Variants in RAP1GDS1 observed in about 807,000 individuals in gnomAD.
The protein encoded by RAP1GDS1 is Rap1 GTPase-GDP dissociation stimulator 1, also known as RAP1, GTP-GDP dissociation stimulator 1.
Under a neutral mutation model 71.1 loss-of-function variants are expected in RAP1GDS1, and 35 were observed. The ratio of observed to expected loss-of-function variants is 0.49; its 90% CI spans 0.38 to 0.65. The LOEUF (loss-of-function observed/expected upper bound fraction) is 0.65. RAP1GDS1 is among the 30% of genes least tolerant of loss of function. The pLI is 0.00. For missense variants in RAP1GDS1, 663 were observed against 706.1 expected (o/e 0.94, Z 0.69); for synonymous variants, 229 against 243.1 (o/e 0.94, Z 0.54).
intron 7 of RAP1GDS1, 26 bp downstream of exon 7, chr4:98,404,628 A>G (rs766615985): frequency 3.8e-6 from 6 of 1,591,940 alleles, no homozygotes; most frequent in Non-Finnish European, 4.3e-6. Context: ...GCACCTTTGG[A>G]TTTTTGATCA....
intron 3 of RAP1GDS1, among the ~76,000 whole-genome samples, chr4:98,350,424 A>G (rs1412846951): frequency 6.6e-6 from 1 of 152,194 alleles, no homozygotes; most frequent in Admixed American, 6.5e-5. Context: ...TTTGAAATCT[A>G]GTCCAGGCCT....
rs568259022 is a variant in RAP1GDS1 at position 98,389,721 on chromosome 4, T to C, written c.509-2231T>C. ...ATTGTATTAAGCGCTATAACATTTC[T>C]TTACTTTTCACCCCTCTTTTACCTG... On this transcript the variant is annotated intron_variant, in intron 5 of 14. Coordinates refer to ENST00000408927, the MANE Select transcript of RAP1GDS1 (RefSeq NM_001100427.2). Among the ~76,000 whole-genome samples the C allele has an allele frequency of 1.8e-4, 27 of 152,326 alleles. No individual in the cohort carries two copies. The South Asian group carries it at 5.2e-3, about 29-fold the overall frequency.
chr4:98,289,815 T>C (rs1560779946), intron 1 of RAP1GDS1, among the ~76,000 whole-genome samples: 1 of 152,148 alleles, frequency 6.6e-6, no homozygotes, highest in Non-Finnish European at 1.5e-5. Context: ...ATTGACTTAA[T>C]GCCATTCATT....
intron 2 of RAP1GDS1, among the ~76,000 whole-genome samples, chr4:98,309,776 C>T (rs1335866447): frequency 6.6e-6 from 1 of 151,734 alleles, no homozygotes; most frequent in Non-Finnish European, 1.5e-5. Flanking sequence ...TTGTGTGGTT[C>T]ATGGTCATTT....
intron 14 of RAP1GDS1, among the ~76,000 whole-genome samples, chr4:98,437,604 C>T (rs1279680462): frequency 4.0e-5 from 6 of 151,830 alleles, no homozygotes; most frequent in African/African-American, 1.5e-4. Flanking sequence ...ACCAGCCTGG[C>T]GAACATGGTG....
chr4:98,369,961 C>G (rs891804725), intron 4 of RAP1GDS1, among the ~76,000 whole-genome samples: 1 of 152,196 alleles, frequency 6.6e-6, no homozygotes, highest in Admixed American at 6.5e-5. Context: ...GCTTGAAAGA[C>G]GTTCTGGAAA....
At chr4:98,345,998 T>G (rs541889644) in intron 3 of RAP1GDS1, among the ~76,000 whole-genome samples, 104 of 152,284 alleles carry the variant, frequency 6.8e-4, no homozygotes, top group Admixed American at 2.0e-3. Flanking sequence ...CTTTGACCTG[T>G]AGCAGCAACA....
At chr4:98,388,235 G>A (rs1743058576) in intron 5 of RAP1GDS1, among the ~76,000 whole-genome samples, 2 of 152,156 alleles carry the variant, frequency 1.3e-5, no homozygotes, top group Admixed American at 6.5e-5. Context: ...CTTAAGTAGA[G>A]TTTCTTCTCA....
chr4:98,401,444 G>T (rs181544393), intron 6 of RAP1GDS1, among the ~76,000 whole-genome samples: 519 of 152,222 alleles, frequency 3.4e-3, no homozygotes, highest in African/African-American at 0.012. Flanking sequence ...GTAGAAATTT[G>T]ATCAGAAATG....
At chr4:98,263,600 A>T (rs1722324142) in intron 1 of RAP1GDS1, among the ~76,000 whole-genome samples, 1 of 152,224 alleles carries the variant, frequency 6.6e-6, no homozygotes, top group Admixed American at 6.5e-5. Context: ...AAAGTTGTTT[A>T]TGTGTGTGCT....
rs538473815 is a variant in RAP1GDS1 at position 98,304,160 on chromosome 4, C to T, written c.112+10645C>T. On this transcript the variant is annotated intron_variant, in intron 2 of 14. Coordinates refer to ENST00000408927, the MANE Select transcript of RAP1GDS1 (RefSeq NM_001100427.2). ...TGAACAGTGCTGCAGTGAATGTACACGTGCATGTATCTTTATAATAGAATG... is the reference window on the plus strand; with the variant it reads ...TGAACAGTGCTGCAGTGAATGTACATGTGCATGTATCTTTATAATAGAATG... Among the ~76,000 whole-genome samples, 55 of 152,196 alleles carry T rather than the reference C, an allele frequency of 3.6e-4. 1 individual carries two copies. Among genetic ancestry groups the T allele is most frequent in the Admixed American group, 1.0e-3 (16 of 15,278 alleles).
Position 98,412,232 on chromosome 4 carries a change from G to T in RAP1GDS1, c.764-4513G>T, listed in dbSNP as rs146650044. On this transcript the variant is annotated intron_variant, in intron 7 of 14. Coordinates refer to ENST00000408927, the MANE Select transcript of RAP1GDS1 (RefSeq NM_001100427.2). ...TAAAGTTTAAATTTAAAAATTTCTGGCCAGGTACAGTGGCTCATGCCTGTA... is the reference window on the plus strand; with the variant it reads ...TAAAGTTTAAATTTAAAAATTTCTGTCCAGGTACAGTGGCTCATGCCTGTA... 4.3e-3 allele frequency among the ~76,000 whole-genome samples: 656 copies of T among 152,190 alleles called. 5 individuals carry two copies. Among genetic ancestry groups the T allele is most frequent in the African/African-American group, 0.015 (617 of 41,514 alleles).
At chr4:98,300,199 C>T (rs941758048) in intron 2 of RAP1GDS1, among the ~76,000 whole-genome samples, 6 of 152,086 alleles carry the variant, frequency 3.9e-5, no homozygotes, top group African/African-American at 1.4e-4. Context: ...GCAACCAGCA[C>T]CCTGATTAGG....
intron 12 of RAP1GDS1, among the ~76,000 whole-genome samples, chr4:98,425,971 G>C (rs1414796162): frequency 6.6e-6 from 1 of 151,996 alleles, no homozygotes; most frequent in Non-Finnish European, 1.5e-5. Flanking sequence ...CCATATAATA[G>C]ACCACAAAAC....
intron 4 of RAP1GDS1, among the ~76,000 whole-genome samples, chr4:98,370,249 AACTG>A (rs562669060): frequency 1.8e-3 from 269 of 152,278 alleles, no homozygotes; most frequent in African/African-American, 6.2e-3. Flanking sequence ...ATATTGATGA[AACTG>A]ACTGTGTAAT....
At chr4:98,320,266 C>T (rs1001468550) in intron 2 of RAP1GDS1, among the ~76,000 whole-genome samples, 1 of 152,172 alleles carries the variant, frequency 6.6e-6, no homozygotes, top group Non-Finnish European at 1.5e-5. Context: ...AAATCCAACA[C>T]ATATACTTAC....
intron 2 of RAP1GDS1, among the ~76,000 whole-genome samples, chr4:98,300,521 T>C (rs1359141415): frequency 6.6e-6 from 1 of 151,932 alleles, no homozygotes; most frequent in African/African-American, 2.4e-5. Flanking sequence ...TGCCTCAGCC[T>C]CCTGAGTAGC....
chr4:98,433,011 A>C (rs1750659717), intron 12 of RAP1GDS1, among the ~76,000 whole-genome samples: 1 of 152,152 alleles, frequency 6.6e-6, no homozygotes, highest in African/African-American at 2.4e-5. Flanking sequence ...ACATGGAGAT[A>C]GTACTGAGGT....
At chr4:98,403,774 A>AT (rs1745753902) in intron 6 of RAP1GDS1, among the ~76,000 whole-genome samples, 1 of 152,186 alleles carries the variant, frequency 6.6e-6, no homozygotes, top group African/African-American at 2.4e-5. Flanking sequence ...AGGAACAATT[A>AT]TAGGAGATTG....
Sources: gnomAD v4.1 joint callset for allele counts (sites outside exome capture counted in the v4.1 genomes callset) on GRCh38, gnomAD v4.1.1 for gene constraint, MANE v1.5 for transcripts, NCBI Gene and HGNC (gene_info 2026-07-23, HGNC 2026-07-21) for gene names.